Variants in CHIC1 observed in about 807,000 individuals in gnomAD.
CHIC1 encodes cysteine-rich hydrophobic domain-containing protein 1.
A neutral mutation model predicts 18.5 loss-of-function variants in CHIC1; 7 were observed. The ratio of observed to expected loss-of-function variants is 0.38; its 90% CI spans 0.22 to 0.71. The LOEUF is 0.71. CHIC1 is among the 30% of genes least tolerant of loss of function. The pLI is 0.49. For missense variants in CHIC1, 159 were observed against 176.9 expected, an observed-to-expected ratio of 0.90 and a Z score of 0.57; for synonymous variants, 77 against 73.5, an observed-to-expected ratio of 1.05 and a Z score of -0.25.
chrX:73,671,546 G>T (rs1280057513), intron 3 of CHIC1, among the ~76,000 whole-genome samples: 1 of 110,867 alleles, frequency 9.0e-6, no homozygotes, highest in East Asian at 2.8e-4. Context: ...TGCTTATCTA[G>T]TCTATTGTTG....
At chrX:73,606,699 A>T (rs1355808816) in intron 3 of CHIC1, among the ~76,000 whole-genome samples, 1 of 108,294 alleles carries the variant, frequency 9.2e-6, no homozygotes, top group Admixed American at 9.6e-5. Context: ...TGTTGATGCT[A>T]TTCCTTTCTG....
At chrX:73,635,957 A>G (rs1035304165) in intron 3 of CHIC1, among the ~76,000 whole-genome samples, 3 of 111,669 alleles carry the variant, frequency 2.7e-5, no homozygotes, top group Admixed American at 9.5e-5. Context: ...TAACATCATT[A>G]TTGAAAGTGG....
intron 3 of CHIC1, among the ~76,000 whole-genome samples, chrX:73,600,884 C>CA (rs1043988939): frequency 4.9e-5 from 5 of 102,889 alleles, no homozygotes; most frequent in Non-Finnish European, 3.9e-5. Flanking sequence ...AAATGGAAAA[C>CA]AAAAAAAAAG....
At chrX:73,609,401 CTTTTG>C (rs746286206) in intron 3 of CHIC1, among the ~76,000 whole-genome samples, 8 of 108,051 alleles carry the variant, frequency 7.4e-5, no homozygotes, top group East Asian at 2.8e-4. Context: ...TGTTTGGTGT[CTTTTG>C]TTTTGTTTTG....
At chrX:73,674,025 T>G (rs1047438769) in intron 3 of CHIC1, among the ~76,000 whole-genome samples, 1 of 112,194 alleles carries the variant, frequency 8.9e-6, no homozygotes, top group Non-Finnish European at 1.9e-5. Context: ...TTTTGTCTTT[T>G]GTTCTGTTTA....
In CHIC1 at chrX:73,577,425, G is replaced by A. The variant is rs1241213510; in HGVS notation, c.315G>A (p.Lys105=). The A allele has an allele frequency of 8.4e-7, 1 of 1,197,557 alleles. No individual in the cohort carries two copies. Among genetic ancestry groups the A allele is most frequent in the Non-Finnish European group, 1.1e-6 (1 of 885,688 alleles). The part of the protein sequence containing the change: ...GHITVFGLSN[K]FDTEFPSVLT... ...TTTGAAGGTTTGGCTTGAGCAACAA[G>A]TTTGATACTGAATTTCCCTCCGTTC... is the stretch of plus-strand genomic sequence containing the variant. The change falls in exon 2 of 6, where the codon AAG becomes AAA. Residue 105 remains lysine, a synonymous_variant. Transcript: ENST00000373502.
intron 1 of CHIC1, among the ~76,000 whole-genome samples, chrX:73,566,792 C>T (rs2057447037): frequency 9.0e-6 from 1 of 111,434 alleles, no homozygotes; most frequent in Non-Finnish European, 1.9e-5. Context: ...TTCAGGTTCT[C>T]TCTGCTGCAT....
In CHIC1 at chrX:73,597,622, T is replaced by C. The variant is rs184570215; in HGVS notation, c.507+13050T>C. 4.6e-3 allele frequency among the ~76,000 whole-genome samples: 486 copies of C among 106,543 alleles called. 4 individuals carry two copies. The highest frequency in any genetic ancestry group is 0.012 in the African/African-American group (368 of 29,481). 92.5% of individuals were successfully genotyped at this position (106,543 alleles called of 115,157 possible). A position where few individuals can be genotyped will look rare whatever the true frequency, so the allele number is the denominator to read the frequency against. On this transcript the variant is annotated intron_variant, in intron 3 of 5. Transcript: ENST00000373502. Reference sequence around the variant, plus strand: ...ATATATATACACACACACACACACATATATATATATATACGCACTATAAGT... The same window carrying C: ...ATATATATACACACACACACACACACATATATATATATACGCACTATAAGT...
In CHIC1 at chrX:73,681,533, A is replaced by T. The variant is rs1248827451; in HGVS notation, c.*528A>T. 1 of 112,621 alleles carries T rather than the reference A, an allele frequency of 8.9e-6. No individual in the cohort carries two copies. The highest frequency in any genetic ancestry group is 1.9e-5 in the Non-Finnish European group (1 of 53,077). The allele number at this position is 112,621 out of a possible 1,213,427, so 9.3% of individuals were successfully genotyped here. A position where few individuals can be genotyped will look rare whatever the true frequency, so the allele number is the denominator to read the frequency against. ...TTTGCTTTATCACTTATGTTAGTGG[A>T]TAAAATATTTAAACTCCTAAAGACT... On this transcript the variant is annotated 3_prime_UTR_variant, in exon 6 of 6. Coordinates refer to ENST00000373502, the MANE Select transcript of CHIC1 (RefSeq NM_001039840.4).
intron 3 of CHIC1, among the ~76,000 whole-genome samples, chrX:73,588,883 G>C (rs1603340994): frequency 9.1e-6 from 1 of 110,084 alleles, no homozygotes; most frequent in South Asian, 3.8e-4. Flanking sequence ...ATTACTGTAA[G>C]AGTGATATGT....
intron 3 of CHIC1, among the ~76,000 whole-genome samples, chrX:73,656,981 A>T (rs776424671): frequency 9.1e-5 from 10 of 109,905 alleles, no homozygotes; most frequent in Non-Finnish European, 1.9e-4. Context: ...TTCTTTGAGC[A>T]GTGTTTTGTA....
intron 1 of CHIC1, among the ~76,000 whole-genome samples, chrX:73,566,717 T>C (rs1418937521): frequency 8.9e-6 from 1 of 111,782 alleles, no homozygotes; most frequent in Non-Finnish European, 1.9e-5. Flanking sequence ...AGAGGAGCTA[T>C]CCTTAATTAA....
intron 3 of CHIC1, among the ~76,000 whole-genome samples, chrX:73,661,637 G>A (rs1024896308): frequency 8.1e-5 from 9 of 111,680 alleles, no homozygotes; most frequent in East Asian, 5.6e-4. Context: ...TGCTGAAGTC[G>A]AAGAAAAAGT....
At chrX:73,582,070 T>C (rs1445985631) in intron 2 of CHIC1, among the ~76,000 whole-genome samples, 1 of 110,371 alleles carries the variant, frequency 9.1e-6, no homozygotes, top group Non-Finnish European at 1.9e-5. Context: ...AACAATTTTT[T>C]TTTTCTTTTG....
chrX:73,656,527 C>T, intron 3 of CHIC1, among the ~76,000 whole-genome samples: 1 of 111,612 alleles, frequency 9.0e-6, no homozygotes, highest in East Asian at 2.8e-4. Flanking sequence ...TATGGCTAGC[C>T]AGTTCTCCCA....
At chrX:73,582,021 C>G (rs1008941020) in intron 2 of CHIC1, among the ~76,000 whole-genome samples, 2 of 110,200 alleles carry the variant, frequency 1.8e-5, no homozygotes, top group African/African-American at 6.6e-5. Context: ...TATTTCATCC[C>G]TGGTAGAAGT....
At position 73,584,487 on chromosome X, in the gene CHIC1, A is replaced by G. The variant is rs1204249174; in HGVS notation, c.422A>G (p.Asn141Ser). ...TGTTTGAAAAAGGCTCTCCCGGTCA[A>G]TGTGAAATGGCTGCTGTGTGGTTGT... Reference protein sequence around the residue: ...NACLKKALPVNVKWLLCGCLC... With the variant: ...NACLKKALPVSVKWLLCGCLC... The change falls in exon 3 of 6, where the codon AAT becomes AGT. Residue 141 changes from asparagine to serine, a missense_variant. Coordinates refer to ENST00000373502, the MANE Select transcript of CHIC1 (RefSeq NM_001039840.4). 2 of 1,173,285 alleles carry G rather than the reference A, an allele frequency of 1.7e-6. No individual in the cohort carries two copies. The highest frequency in any genetic ancestry group is 3.8e-5 in the South Asian group (2 of 52,930).
chrX:73,629,683 A>T (rs1293464554), intron 3 of CHIC1, among the ~76,000 whole-genome samples: 4 of 111,831 alleles, frequency 3.6e-5, no homozygotes, highest in African/African-American at 1.3e-4. Flanking sequence ...TACTGTTTTG[A>T]TTACTATAGC....
chrX:73,672,767 T>G (rs1469003765), intron 3 of CHIC1, among the ~76,000 whole-genome samples: 32 of 111,992 alleles, frequency 2.9e-4, no homozygotes, highest in African/African-American at 9.4e-4. Flanking sequence ...CTCTTTAGTT[T>G]AATTAGATCC....
Sources: allele counts gnomAD v4.1 joint callset (sites outside exome capture counted in the v4.1 genomes callset), GRCh38; gene constraint gnomAD v4.1.1; transcripts MANE v1.5; gene names NCBI Gene and HGNC (gene_info 2026-07-23, HGNC 2026-07-21).